The following EIF3B variants were observed in gnomAD, a reference collection of about 807,000 sequenced individuals.
The protein encoded by EIF3B is eukaryotic translation initiation factor 3 subunit 9.
EIF3B carries 10 observed loss-of-function variants against 104.6 expected under a neutral mutation model. The ratio of observed to expected loss-of-function variants is 0.10; its 90% CI spans 0.06 to 0.16. The LOEUF is 0.16. Among genes scored for constraint, EIF3B ranks in the 10% least tolerant of loss-of-function variants. The pLI, the probability that EIF3B is intolerant of heterozygous loss-of-function variation, is 1.00. For synonymous variants in EIF3B, 542 were observed against 417.2 expected (o/e 1.30, Z -3.65); for missense variants, 1,014 against 1,087.9 (o/e 0.93, Z 0.96).
upstream of EIF3B, chr7:2,354,811 T>G: frequency 1.0e-6 from 1 of 997,274 alleles, no homozygotes; most frequent in Non-Finnish European, 1.2e-6. Context: ...TGGTGCGGCC[T>G]CCCCGTCGCA....
In EIF3B at chr7:2,378,727, T is replaced by C. The variant is rs1185041066; in HGVS notation, c.2193T>C (p.Phe731=). 4 of 1,614,098 alleles carry C rather than the reference T, an allele frequency of 2.5e-6. No individual in the cohort carries two copies. The highest frequency in any genetic ancestry group is 3.4e-6 in the Non-Finnish European group (4 of 1,179,958). The change falls in exon 16 of 19, where the codon TTT becomes TTC. Residue 731 remains phenylalanine, a synonymous_variant. Transcript: ENST00000360876. ...KKDLKKYSKI[F]EQKDRLSQSK... ...ATCTGAAGAAATACTCTAAGATCTTTGAACAGAAGGATCGTTTGAGTCAGT... is the reference window on the plus strand; with the variant it reads ...ATCTGAAGAAATACTCTAAGATCTTCGAACAGAAGGATCGTTTGAGTCAGT...
chr7:2,372,851 G>T, intron 12 of EIF3B, 56 bp downstream of exon 12: 1 of 1,584,272 alleles, frequency 6.3e-7, no homozygotes, highest in Non-Finnish European at 8.6e-7. Context: ...TGATGACCCA[G>T]TCGCTGCCCA....
At chr7:2,374,451 C>G (rs1323689428) in intron 12 of EIF3B, 77 bp from the exon 13 acceptor site, 1 of 1,456,396 alleles carries the variant, frequency 6.9e-7, no homozygotes, top group East Asian at 2.3e-5. Flanking sequence ...ATGAGCACGG[C>G]CAAGTCCTCC....
At chr7:2,366,970 C>A in intron 8 of EIF3B, 29 bp from the exon 9 acceptor site, 1 of 1,606,202 alleles carries the variant, frequency 6.2e-7, no homozygotes, top group Non-Finnish European at 8.5e-7. Flanking sequence ...TGATTTGACT[C>A]AACTGCAGCC....
chr7:2,365,456 C>CCCT (rs1779956388), intron 6 of EIF3B, among the ~76,000 whole-genome samples: 1 of 152,116 alleles, frequency 6.6e-6, no homozygotes, highest in Non-Finnish European at 1.5e-5. Context: ...TCTGTTTTCG[C>CCCT]CCTCATGGGT....
In EIF3B at chr7:2,370,525, C is replaced by A. The variant is rs551579286; in HGVS notation, c.1614+843C>A. The stretch of plus-strand genomic sequence containing the variant: ...GAGTTTTCCCTCTAATAGAAGTATT[C>A]TTCTTTCTTTTATGTTAAGAAAGCT... On this transcript the variant is annotated intron_variant, in intron 10 of 18. Transcript: ENST00000360876. Among the ~76,000 whole-genome samples, 27 of 152,300 alleles carry A rather than the reference C, an allele frequency of 1.8e-4. 1 individual carries two copies.
Position 2,375,455 on chromosome 7 carries a change from C to T in EIF3B, c.1956C>T (p.Tyr652=). The part of the protein sequence containing the change: ...DCTVMNIAEH[Y]MASDVEWDPT... ...CGGTCATGAACATCGCAGAGCACTA[C>T]ATGGCTTCCGACGTCGAATGGGATC... Residue 652 remains tyrosine, a synonymous_variant, in exon 14 of 19, where the codon TAC becomes TAT. Coordinates refer to ENST00000360876, the MANE Select transcript of EIF3B (RefSeq NM_001037283.2). 1.9e-6 allele frequency: 3 copies of T among 1,614,238 alleles called. No homozygotes were observed. In the South Asian group the frequency reaches 3.3e-5, roughly 18 times the overall value.
intron 10 of EIF3B, among the ~76,000 whole-genome samples, chr7:2,371,548 G>T (rs1213070328): frequency 6.6e-6 from 1 of 152,210 alleles, no homozygotes. Flanking sequence ...ATCTGGGTCA[G>T]AGTTACTTCA....
At chr7:2,358,117 CAG>C (rs1779549728) in intron 1 of EIF3B, among the ~76,000 whole-genome samples, 1 of 150,516 alleles carries the variant, frequency 6.6e-6, no homozygotes, top group Non-Finnish European at 1.5e-5. Flanking sequence ...TTTTTTGAGA[CAG>C]AGTCTCATTC....
chr7:2,355,325 C>T lies in EIF3B; in HGVS notation c.404C>T (p.Ala135Val), dbSNP rs763850627. The change falls in exon 1 of 19, where the codon GCG (alanine) becomes GTG (valine). Residue 135 changes from alanine to valine, a missense_variant. Ala to Val is a moderately conservative substitution (Grantham distance 64). This residue lies in a region of EIF3B where 488 missense variants were observed against 404.3 expected (regional missense o/e 1.21). Coordinates refer to ENST00000360876, the MANE Select transcript of EIF3B (RefSeq NM_001037283.2). The stretch of plus-strand genomic sequence containing the variant: ...GACGCGGGAGGAAACGAGGGCAGAG[C>T]GGCCGAGGCCGAACCCCGGGCGCTG... ...SEDAGGNEGRAAEAEPRALEN... is the reference protein window; with the variant it reads ...SEDAGGNEGRVAEAEPRALEN... 12 of 1,540,174 alleles carry T rather than the reference C, an allele frequency of 7.8e-6. No homozygotes were observed. Among genetic ancestry groups the T allele is most frequent in the East Asian group, 4.8e-5 (2 of 41,274 alleles).
intron 1 of EIF3B, among the ~76,000 whole-genome samples, chr7:2,356,112 G>T (rs1039654706): frequency 1.3e-5 from 2 of 152,106 alleles, no homozygotes; most frequent in South Asian, 2.1e-4. Context: ...AGCTACTTCT[G>T]ATGAGAGCTG....
chr7:2,375,383 T>G lies in EIF3B; in HGVS notation c.1890-6T>G, dbSNP rs1480774865. ...TGAAGCCTGACGGTCCTGTCTGTCT[T>G]TGCAGTATGAACGGTGCCTTAGCGT... On this transcript the variant is annotated splice_polypyrimidine_tract_variant and splice_region_variant and intron_variant, in intron 13 of 18. Transcript: ENST00000360876. 14 of 1,613,990 alleles carry G rather than the reference T, an allele frequency of 8.7e-6. No individual in the cohort carries two copies. The highest frequency in any genetic ancestry group is 3.3e-4 in the Middle Eastern group (2 of 6,082).
At chr7:2,366,287 A>G in intron 6 of EIF3B, 30 bp from the exon 7 acceptor site, 1 of 1,563,256 alleles carries the variant, frequency 6.4e-7, no homozygotes, top group Non-Finnish European at 8.6e-7. Context: ...TGAGAGGAGG[A>G]TAGTGTACAG....
chr7:2,354,898 C>A lies in EIF3B; in HGVS notation c.-24C>A. 8.5e-7 allele frequency: 1 copy of A among 1,178,028 alleles called. No individual in the cohort carries two copies. The allele number at this position is 1,178,028 out of a possible 1,614,324, so 73.0% of individuals were successfully genotyped here. ...TCGGAAGCGCGGCGGCCGCGGAGCC[C>A]TGCGAGTAGGCAGCGTTGGGCCCAT... On this transcript the variant is annotated 5_prime_UTR_variant, in exon 1 of 19. It adds an upstream start codon to the 5' untranslated region. Coordinates refer to ENST00000360876, the MANE Select transcript of EIF3B (RefSeq NM_001037283.2).
intron 4 of EIF3B, 23 bp downstream of exon 4, chr7:2,363,150 C>T (rs1162583579): frequency 6.2e-7 from 1 of 1,611,974 alleles, no homozygotes; most frequent in South Asian, 1.1e-5. Context: ...AAACCTACAT[C>T]TCAGTGGTTT....
chr7:2,371,667 A>G (rs937748821), intron 10 of EIF3B, 110 bp from the exon 11 acceptor site: 3 of 851,640 alleles, frequency 3.5e-6, no homozygotes, highest in Non-Finnish European at 5.9e-6. Context: ...CTCGTGTGTG[A>G]ACCAGGCATG....
chr7:2,356,628 A>G (rs1045255822), intron 1 of EIF3B, among the ~76,000 whole-genome samples: 4 of 150,964 alleles, frequency 2.6e-5, no homozygotes, highest in African/African-American at 7.4e-5. Flanking sequence ...AGAAAAAGAA[A>G]AAAAGGTTAT....
chr7:2,354,921 C>T lies in EIF3B; in HGVS notation c.-1C>T, dbSNP rs926925076. The T allele has an allele frequency of 8.9e-6, 11 of 1,229,208 alleles. No homozygotes were observed. The highest frequency in any genetic ancestry group is 1.0e-5 in the Non-Finnish European group (10 of 977,686). The allele number at this position is 1,229,208 out of a possible 1,614,324, so 76.1% of individuals were successfully genotyped here. A position where few individuals can be genotyped will look rare whatever the true frequency, so the allele number is the denominator to read the frequency against. ...CCCTGCGAGTAGGCAGCGTTGGGCC[C>T]ATGCAGGACGCGGAGAACGTGGCGG... On this transcript the variant is annotated 5_prime_UTR_variant, in exon 1 of 19. Transcript: ENST00000360876.
At chr7:2,365,458 C>T (rs1779956541) in intron 6 of EIF3B, among the ~76,000 whole-genome samples, 1 of 152,116 alleles carries the variant, frequency 6.6e-6, no homozygotes, top group African/African-American at 2.4e-5. Context: ...TGTTTTCGCC[C>T]TCATGGGTTG....
Sources: gnomAD v4.1 joint callset for allele counts (sites outside exome capture counted in the v4.1 genomes callset) on GRCh38, gnomAD v4.1.1 for gene constraint, gnomAD v4.1.1 regional missense constraint, MANE v1.5 for transcripts, NCBI Gene and HGNC (gene_info 2026-07-23, HGNC 2026-07-21) for gene names.